The following HDAC9 variants were observed in gnomAD, a reference collection of about 807,000 sequenced individuals.
HDAC9 encodes histone deacetylase 9, also known as MEF-2 interacting transcription repressor (MITR) protein.
HDAC9 carries 41 observed loss-of-function variants against 139.4 expected under a neutral mutation model. The ratio of observed to expected loss-of-function variants is 0.29; its 90% CI spans 0.23 to 0.38. HDAC9 has a LOEUF of 0.38. Ranked by LOEUF, HDAC9 falls within the 10% of genes least tolerant of loss-of-function variation. The probability of loss-of-function intolerance (pLI) is 1.00; values close to 1 mark genes in which losing one functional copy is unlikely to be tolerated. For synonymous variants in HDAC9, 517 were observed against 476.2 expected (o/e 1.09, Z -1.12); for missense variants, 1,147 against 1,297.0 (o/e 0.88, Z 1.78).
At chr7:18,794,752 T>C (rs6972422) in intron 17 of HDAC9, among the ~76,000 whole-genome samples, 28,518 of 152,232 alleles carry the variant, frequency 0.19, 3,276 homozygotes, top group Middle Eastern at 0.29. Flanking sequence ...CTTGCACCAC[T>C]GCAATAAATT....
At chr7:18,722,740 T>C (rs1387616263) in intron 12 of HDAC9, among the ~76,000 whole-genome samples, 10 of 152,194 alleles carry the variant, frequency 6.6e-5, no homozygotes, top group Middle Eastern at 3.2e-3. Flanking sequence ...TCCTTATACA[T>C]TGAAAGCCAT....
At chr7:18,326,729 A>G (rs1368364666) in intron 1 of HDAC9, among the ~76,000 whole-genome samples, 1 of 151,992 alleles carries the variant, frequency 6.6e-6, no homozygotes, top group Non-Finnish European at 1.5e-5. Flanking sequence ...TGCATGGGCT[A>G]TGTTGTTTTG....
intron 14 of HDAC9, among the ~76,000 whole-genome samples, chr7:18,760,723 C>A (rs955379697): frequency 6.6e-6 from 1 of 152,192 alleles, no homozygotes; most frequent in South Asian, 2.1e-4. Flanking sequence ...CCTGTTACCC[C>A]TGCAGACCCC....
intron 2 of HDAC9, among the ~76,000 whole-genome samples, chr7:18,272,111 A>G (rs1010602248): frequency 3.3e-5 from 5 of 152,236 alleles, no homozygotes; most frequent in Non-Finnish European, 7.3e-5. Flanking sequence ...AATATCATAG[A>G]TTATTATGGA....
chr7:18,104,738 C>T (rs1197190383), intron 1 of HDAC9, among the ~76,000 whole-genome samples: 1 of 152,056 alleles, frequency 6.6e-6, no homozygotes, highest in African/African-American at 2.4e-5. Flanking sequence ...AATTCACTCC[C>T]TCAGTGTGGG....
At chr7:18,304,233 T>C (rs978270140) in intron 1 of HDAC9, among the ~76,000 whole-genome samples, 3 of 152,234 alleles carry the variant, frequency 2.0e-5, no homozygotes, top group African/African-American at 7.2e-5. Context: ...TTAATGTTCA[T>C]GACTAAGTTA....
chr7:18,358,023 G>A (rs546044778), intron 1 of HDAC9, among the ~76,000 whole-genome samples: 2 of 152,220 alleles, frequency 1.3e-5, no homozygotes, highest in South Asian at 4.1e-4. Flanking sequence ...TATGAATGTG[G>A]CAGAAGTTTA....
intron 12 of HDAC9, among the ~76,000 whole-genome samples, chr7:18,705,517 G>A (rs1190178680): frequency 2.0e-5 from 3 of 151,916 alleles, no homozygotes; most frequent in Non-Finnish European, 4.4e-5. Context: ...ATGATTAACC[G>A]AACCCTGTAC....
intron 2 of HDAC9, among the ~76,000 whole-genome samples, chr7:18,526,151 A>G (rs1455069443): frequency 5.3e-5 from 8 of 152,298 alleles, no homozygotes; most frequent in Admixed American, 5.2e-4. Flanking sequence ...AGTCTGCATA[A>G]TGGATTATCA....
At chr7:18,769,396 G>C (rs1790094487) in intron 16 of HDAC9, among the ~76,000 whole-genome samples, 2 of 152,006 alleles carry the variant, frequency 1.3e-5, no homozygotes, top group Non-Finnish European at 2.9e-5. Flanking sequence ...AATGTCCCTA[G>C]AGCTGACCTC....
intron 16 of HDAC9, among the ~76,000 whole-genome samples, chr7:18,784,250 T>C (rs1042000802): frequency 3.3e-5 from 5 of 151,962 alleles, no homozygotes; most frequent in Non-Finnish European, 5.9e-5. Flanking sequence ...CTCCTTTTCT[T>C]CTCTTTTCTT....
rs991217400 is a variant in HDAC9 at position 18,952,903 on chromosome 7, C to T, written c.2938-1243C>T. ...GTTTTTCTTTGGCAGCTAAGAAAAA[C>T]ACTCTGGAAAGTTATAGTTAGTGAA... On this transcript the variant is annotated intron_variant, in intron 23 of 25. Coordinates refer to ENST00000686413, the MANE Select transcript of HDAC9 (RefSeq NM_178425.4). 2.7e-5 allele frequency among the ~76,000 whole-genome samples: 4 copies of T among 149,330 alleles called. No individual in the cohort carries two copies. The South Asian group carries it at 8.5e-4, about 32-fold the overall frequency.
intron 1 of HDAC9, among the ~76,000 whole-genome samples, chr7:18,296,072 C>G (rs1224101921): frequency 6.6e-6 from 1 of 152,060 alleles, no homozygotes; most frequent in Non-Finnish European, 1.5e-5. Context: ...AGTAAGTGAT[C>G]TTTGAATTTG....
intron 1 of HDAC9, among the ~76,000 whole-genome samples, chr7:18,119,427 A>C (rs1323376102): frequency 6.6e-6 from 1 of 152,188 alleles, no homozygotes; most frequent in Admixed American, 6.5e-5. Flanking sequence ...TTTGCCATAG[A>C]AAATGTTTGT....
intron 4 of HDAC9, among the ~76,000 whole-genome samples, chr7:18,591,179 TAC>T (rs759216440): frequency 1.3e-5 from 2 of 152,234 alleles, no homozygotes; most frequent in Non-Finnish European, 2.9e-5. Flanking sequence ...ATTATTAAAA[TAC>T]AGTGTTTTGT....
intron 2 of HDAC9, among the ~76,000 whole-genome samples, chr7:18,206,293 T>C (rs1418263563): frequency 1.3e-5 from 2 of 152,194 alleles, no homozygotes; most frequent in East Asian, 3.8e-4. Flanking sequence ...ACACATCAAA[T>C]AGCAATCATT....
intron 13 of HDAC9, among the ~76,000 whole-genome samples, chr7:18,738,280 G>C (rs952239745): frequency 4.6e-5 from 7 of 152,164 alleles, no homozygotes; most frequent in African/African-American, 1.7e-4. Context: ...ATATTGTTAT[G>C]TGTGAATTTG....
chr7:18,170,259 T>C (rs1788323979), intron 2 of HDAC9, among the ~76,000 whole-genome samples: 1 of 152,250 alleles, frequency 6.6e-6, no homozygotes, highest in South Asian at 2.1e-4. Context: ...AAAAGTCTTC[T>C]TTTGAGAAGT....
chr7:18,821,756 T>C (rs968229622), intron 17 of HDAC9, among the ~76,000 whole-genome samples: 9 of 152,214 alleles, frequency 5.9e-5, no homozygotes, highest in African/African-American at 1.9e-4. Flanking sequence ...CCCACAAGAC[T>C]GTCCCCACTT....
Sources: gnomAD v4.1 joint callset for allele counts (sites outside exome capture counted in the v4.1 genomes callset) on GRCh38, gnomAD v4.1.1 for gene constraint, MANE v1.5 for transcripts, NCBI Gene and HGNC (gene_info 2026-07-23, HGNC 2026-07-21) for gene names.